Variants in ACSM1 observed in about 807,000 individuals in gnomAD.
ACSM1 encodes the protein acyl-coenzyme A synthetase ACSM1, mitochondrial.
A neutral mutation model predicts 75.8 loss-of-function variants in ACSM1; 79 were observed. The ratio of observed to expected loss-of-function variants is 1.04; its 90% CI spans 0.87 to 1.26. The LOEUF (loss-of-function observed/expected upper bound fraction) is 1.26. Among genes scored for constraint, ACSM1 ranks in the 50% most tolerant of loss-of-function variants. The pLI is 0.00. For missense variants in ACSM1, 676 were observed against 720.1 expected, an observed-to-expected ratio of 0.94 and a Z score of 0.70; for synonymous variants, 279 against 265.8, an observed-to-expected ratio of 1.05 and a Z score of -0.48.
chr16:20,669,754 T>G (rs1198653213), intron 6 of ACSM1, 73 bp downstream of exon 6: 1 of 1,496,412 alleles, frequency 6.7e-7, no homozygotes, highest in Non-Finnish European at 9.1e-7. Flanking sequence ...AATAAAATAT[T>G]TTTTTAGCAA....
chr16:20,640,723 C>T, intron 7 of ACSM1, 139 bp from the exon 8 acceptor site: 4 of 1,423,562 alleles, frequency 2.8e-6, no homozygotes, highest in South Asian at 1.4e-5. Context: ...TTACAGTTGG[C>T]CATGGCCAAG....
chr16:20,694,091 A>G (rs4374163), intron 1 of ACSM1, among the ~76,000 whole-genome samples: 64,860 of 152,184 alleles, frequency 0.43, 16,366 homozygotes, highest in Non-Finnish European at 0.58. Flanking sequence ...CCTCTTGCTT[A>G]TTTAAAAGTG....
chr16:20,663,391 C>T (rs2019395434), intron 6 of ACSM1, among the ~76,000 whole-genome samples: 1 of 152,158 alleles, frequency 6.6e-6, no homozygotes, highest in Admixed American at 6.5e-5. Context: ...ATAGTGTGGG[C>T]TCCCAGAGCT....
intron 6 of ACSM1, among the ~76,000 whole-genome samples, chr16:20,663,600 G>A (rs950583320): frequency 8.5e-5 from 13 of 152,304 alleles, no homozygotes; most frequent in Admixed American, 7.2e-4. Context: ...AAGGGGGAAT[G>A]TCGCCCTGAA....
intron 7 of ACSM1, among the ~76,000 whole-genome samples, chr16:20,645,980 A>T (rs1596831375): frequency 6.6e-6 from 1 of 152,250 alleles, no homozygotes; most frequent in Non-Finnish European, 1.5e-5. Flanking sequence ...TTTATCACTC[A>T]GTCAGCTGCA....
chr16:20,628,605 A>C (rs1196399211), intron 10 of ACSM1, among the ~76,000 whole-genome samples: 5 of 152,014 alleles, frequency 3.3e-5, no homozygotes, highest in African/African-American at 9.7e-5. Context: ...GCATGCACAA[A>C]CGGTTTGATC....
intron 2 of ACSM1, 52 bp downstream of exon 2, chr16:20,690,945 G>A (rs1487240049): frequency 6.4e-7 from 1 of 1,561,516 alleles, no homozygotes; most frequent in African/African-American, 1.4e-5. Context: ...AGCAAGATAA[G>A]GAAAGTGAGG....
At chr16:20,661,608 T>C (rs1596876283) in intron 7 of ACSM1, among the ~76,000 whole-genome samples, 186 bp downstream of exon 7, 1 of 152,196 alleles carries the variant, frequency 6.6e-6, no homozygotes, top group Non-Finnish European at 1.5e-5. Context: ...CATGCAAGGC[T>C]CACTGAGTTT....
rs1412369765 is a variant in ACSM1, at chr16:20,672,566, T to C, written c.612-895A>G. Among the ~76,000 whole-genome samples the C allele has an allele frequency of 3.1e-5, 4 of 130,486 alleles. No individual in the cohort carries two copies. In the East Asian group the frequency reaches 8.7e-4, roughly 28 times the overall value. The allele number at this position is 130,486 out of a possible 152,430, so 85.6% of individuals were successfully genotyped here. ...TAAAATTATATATAAATATATAAAATATATACTTTTATGTCATATATAATA... is the reference window on the plus strand; with the variant it reads ...TAAAATTATATATAAATATATAAAACATATACTTTTATGTCATATATAATA... On this transcript the variant is annotated intron_variant, in intron 4 of 13. Coordinates refer to ENST00000520010, the MANE Select transcript of ACSM1 (RefSeq NM_001318890.3).
Position 20,640,378 on chromosome 16 carries a change from G to A in ACSM1, c.1116+83C>T, listed in dbSNP as rs950032179. ...GGGAAAGGCACAAACCTGTTTCCCA[G>A]ATGCGTGTCATTAACCTTAGCAAAA... On this transcript the variant is annotated intron_variant, in intron 8 of 13. Coordinates refer to ENST00000520010, the MANE Select transcript of ACSM1 (RefSeq NM_001318890.3). 16 of 1,501,174 alleles carry A rather than the reference G, an allele frequency of 1.1e-5. No individual in the cohort carries two copies. In the East Asian group the frequency reaches 3.4e-4, roughly 32 times the overall value. 93.0% of individuals were successfully genotyped at this position (1,501,174 alleles called of 1,614,324 possible).
At chr16:20,644,087 C>A (rs2018223942) in intron 7 of ACSM1, among the ~76,000 whole-genome samples, 1 of 152,184 alleles carries the variant, frequency 6.6e-6, no homozygotes, top group Non-Finnish European at 1.5e-5. Context: ...TAGCTAGACA[C>A]AAAAGTTCTC....
intron 1 of ACSM1, among the ~76,000 whole-genome samples, 184 bp from the exon 2 acceptor site, chr16:20,691,423 G>A (rs970002278): frequency 6.6e-5 from 10 of 152,134 alleles, no homozygotes; most frequent in Non-Finnish European, 1.3e-4. Context: ...GGCAGAAAAC[G>A]CTGGGGAGGT....
chr16:20,661,779 C>G lies in ACSM1; in HGVS notation c.992+15G>C. On this transcript the variant is annotated intron_variant, in intron 7 of 13. Transcript: ENST00000520010. ...TCTTACCCAAAGATGTTGTTACAAG[C>G]CACTTCTACCATACCTGGTGAAATC... 1 of 1,590,644 alleles carries G rather than the reference C, an allele frequency of 6.3e-7. No individual in the cohort carries two copies. The highest frequency in any genetic ancestry group is 8.6e-7 in the Non-Finnish European group (1 of 1,161,000).
intron 12 of ACSM1, 109 bp downstream of exon 12, chr16:20,625,314 C>A: frequency 9.4e-7 from 1 of 1,059,148 alleles, no homozygotes; most frequent in Non-Finnish European, 1.4e-6. Flanking sequence ...AACGCACATG[C>A]ACACTATGCC....
rs572379231 is a variant in ACSM1 at position 20,671,416 on chromosome 16, T to C, written c.752+115A>G. 5.9e-6 allele frequency: 7 copies of C among 1,181,986 alleles called. No homozygotes were observed. The African/African-American group carries it at 1.1e-4, about 19-fold the overall frequency. 73.2% of individuals were successfully genotyped at this position (1,181,986 alleles called of 1,614,324 possible). The stretch of plus-strand genomic sequence containing the variant: ...GAAGGGAAAAGGAGTATGTAGTCAC[T>C]TCTACTTCCAGTTCCTTTCCCAAGA... On this transcript the variant is annotated intron_variant, in intron 5 of 13. Coordinates refer to ENST00000520010, the MANE Select transcript of ACSM1 (RefSeq NM_001318890.3).
intron 10 of ACSM1, among the ~76,000 whole-genome samples, chr16:20,635,154 G>A (rs2017587116): frequency 6.6e-6 from 1 of 152,164 alleles, no homozygotes; most frequent in Admixed American, 6.5e-5. Context: ...CAGCACTTTG[G>A]GAGGCTGAGG....
intron 2 of ACSM1, among the ~76,000 whole-genome samples, chr16:20,686,848 G>T (rs2079562273): frequency 6.6e-6 from 1 of 151,646 alleles, no homozygotes; most frequent in African/African-American, 2.4e-5. Flanking sequence ...TGATTAACAT[G>T]TTAATTGGTA....
chr16:20,649,090 C>G (rs1378426519), intron 7 of ACSM1, among the ~76,000 whole-genome samples: 1 of 152,172 alleles, frequency 6.6e-6, no homozygotes, highest in Non-Finnish European at 1.5e-5. Flanking sequence ...ATCAATCTGG[C>G]TCATGTCAGT....
chr16:20,658,451 G>T (rs143449575), intron 7 of ACSM1, among the ~76,000 whole-genome samples: 5 of 150,638 alleles, frequency 3.3e-5, no homozygotes, highest in African/African-American at 1.2e-4. Context: ...TTTTTGATGG[G>T]GTTGTTCTTT....
Sources: gnomAD v4.1 joint callset for allele counts (sites outside exome capture counted in the v4.1 genomes callset) on GRCh38, gnomAD v4.1.1 for gene constraint, MANE v1.5 for transcripts, NCBI Gene and HGNC (gene_info 2026-07-23, HGNC 2026-07-21) for gene names.